DUSP10: variants seen among roughly 807,000 people sequenced by gnomAD.
DUSP10 encodes the protein dual specificity phosphatase 10.
Under a neutral mutation model 30.8 loss-of-function variants are expected in DUSP10, and 14 were observed. That is an observed-to-expected ratio of 0.46 (90% CI 0.30 to 0.71). The LOEUF is 0.71. Among genes scored for constraint, DUSP10 ranks in the 30% least tolerant of loss-of-function variants. The pLI is 0.08. For missense variants in DUSP10, 550 were observed against 619.4 expected (o/e 0.89, Z 1.19); for synonymous variants, 254 against 250.4 (o/e 1.01, Z -0.14).
intron 2 of DUSP10, among the ~76,000 whole-genome samples, chr1:221,708,084 T>C (rs1660819950): frequency 6.6e-6 from 1 of 152,232 alleles, no homozygotes; most frequent in Non-Finnish European, 1.5e-5. Flanking sequence ...AGATACACTC[T>C]GGCTTTCCCT....
chr1:221,717,597 C>T (rs1661146089), intron 2 of DUSP10, among the ~76,000 whole-genome samples: 1 of 152,130 alleles, frequency 6.6e-6, no homozygotes, highest in South Asian at 2.1e-4. Context: ...TGTATCTCTC[C>T]TCCCCATATT....
chr1:221,711,079 G>A (rs1471258765), intron 2 of DUSP10, among the ~76,000 whole-genome samples: 2 of 152,158 alleles, frequency 1.3e-5, no homozygotes, highest in Non-Finnish European at 2.9e-5. Flanking sequence ...AACTATATGT[G>A]GAAATACTGC....
At chr1:221,715,906 C>CT (rs927461462) in intron 2 of DUSP10, among the ~76,000 whole-genome samples, 4 of 152,092 alleles carry the variant, frequency 2.6e-5, no homozygotes, top group Non-Finnish European at 5.9e-5. Context: ...GGTTTGGTCT[C>CT]TATCTCTATC....
chr1:221,709,477 T>A (rs1172325347), intron 2 of DUSP10, among the ~76,000 whole-genome samples: 1 of 108,890 alleles, frequency 9.2e-6, no homozygotes. Context: ...GGGGTGGGGG[T>A]GGAGAGAAAA....
rs1571803493 is a variant in DUSP10 at position 221,702,680 on chromosome 1, G to GAAAAAAAAA, written c.1184-4_1184-3insTTTTTTTTT. The GAAAAAAAAA allele has an allele frequency of 6.2e-7, 1 of 1,608,096 alleles. No homozygotes were observed. On this transcript the variant is annotated splice_polypyrimidine_tract_variant and splice_region_variant and intron_variant, in intron 3 of 3. Transcript: ENST00000366899. The surrounding 1 kb of genome is among the most constrained non-coding windows in gnomAD (Gnocchi z 4.5). ...CTTCCCACACTGGTGAGCTTCCTCT[G>GAAAAAAAAA]AAAAAAGGGAGAAAGACAAGAGATG... is the stretch of plus-strand genomic sequence containing the variant.
intron 2 of DUSP10, among the ~76,000 whole-genome samples, chr1:221,738,356 G>A (rs1384714253): frequency 2.0e-5 from 3 of 152,204 alleles, no homozygotes; most frequent in African/African-American, 7.2e-5. Flanking sequence ...GATGTAATTG[G>A]TGAACTTATA....
intron 2 of DUSP10, among the ~76,000 whole-genome samples, chr1:221,732,648 T>C (rs1423457877): frequency 6.6e-6 from 1 of 152,228 alleles, no homozygotes; most frequent in African/African-American, 2.4e-5. Flanking sequence ...ACTAAATCTC[T>C]AAAATTAATC....
In DUSP10 at chr1:221,702,747, A is replaced by G. The variant is rs985498227; in HGVS notation, c.1184-70T>C. On this transcript the variant is annotated intron_variant, in intron 3 of 3. Transcript: ENST00000366899. This position sits in a 1 kb window ranked among gnomAD's most constrained non-coding sequence, Gnocchi z 4.5. ...GAGAGGCACGGAGAGAGAAACTTTC[A>G]TCTCAACTTTGCAATGCCTTATTTT... 5.2e-6 allele frequency: 8 copies of G among 1,529,060 alleles called. No homozygotes were observed. In the Admixed American group the frequency reaches 1.5e-4, roughly 29 times the overall value. 94.7% of individuals were successfully genotyped at this position (1,529,060 alleles called of 1,614,324 possible). A position where few individuals can be genotyped will look rare whatever the true frequency, so the allele number is the denominator to read the frequency against.
At chr1:221,736,596 T>C (rs1271062501) in intron 2 of DUSP10, among the ~76,000 whole-genome samples, 1 of 152,178 alleles carries the variant, frequency 6.6e-6, no homozygotes, top group African/African-American at 2.4e-5. Context: ...TTCACCACAG[T>C]GGTGCTATGG....
chr1:221,720,882 C>T (rs547731959), intron 2 of DUSP10, among the ~76,000 whole-genome samples: 7 of 152,240 alleles, frequency 4.6e-5, no homozygotes, highest in Admixed American at 3.9e-4. Flanking sequence ...GAACACTTAT[C>T]GCTATCTGAA....
rs749539562 is a variant in DUSP10, at chr1:221,702,811, TATA to T, written c.1184-137_1184-135del. The T allele has an allele frequency of 4.2e-5, 38 of 894,456 alleles. No individual in the cohort carries two copies. The highest frequency in any genetic ancestry group is 6.0e-5 in the Non-Finnish European group (36 of 601,894). 55.4% of individuals were successfully genotyped at this position (894,456 alleles called of 1,614,324 possible). A position where few individuals can be genotyped will look rare whatever the true frequency, so the allele number is the denominator to read the frequency against. On this transcript the variant is annotated intron_variant, in intron 3 of 3. Transcript: ENST00000366899. The surrounding 1 kb of genome is among the most constrained non-coding windows in gnomAD (Gnocchi z 4.5). ...GAATTAAAACAGTTTTAAAGCCAAGTATAATCCACTAGTTCATTACGTATACTT... is the reference window on the plus strand; with the variant it reads ...GAATTAAAACAGTTTTAAAGCCAAGTATCCACTAGTTCATTACGTATACTT...
intron 3 of DUSP10, among the ~76,000 whole-genome samples, chr1:221,705,332 A>C (rs1392739955): frequency 6.6e-6 from 1 of 152,028 alleles, no homozygotes; most frequent in East Asian, 1.9e-4. Flanking sequence ...GCTGGTCTCA[A>C]ACTCCTGACC....
chr1:221,739,799 G>A lies in DUSP10; in HGVS notation c.-43-12C>T. On this transcript the variant is annotated splice_polypyrimidine_tract_variant and intron_variant, in intron 1 of 3. Transcript: ENST00000366899. ...GAACTCAAGACAGTCTGTAAAGAAG[G>A]GGAAGGGGGAAAGAAAGAATAAAGT... 6.6e-7 allele frequency: 1 copy of A among 1,510,780 alleles called. No individual in the cohort carries two copies. Among genetic ancestry groups the A allele is most frequent in the Non-Finnish European group, 8.8e-7 (1 of 1,134,122 alleles). 93.6% of individuals were successfully genotyped at this position (1,510,780 alleles called of 1,614,324 possible).
chr1:221,719,019 A>G (rs1661200811), intron 2 of DUSP10, among the ~76,000 whole-genome samples: 1 of 152,214 alleles, frequency 6.6e-6, no homozygotes, highest in Non-Finnish European at 1.5e-5. Flanking sequence ...TGCTAAAATC[A>G]TGTATGGAAG....
chr1:221,741,618 C>T (rs963850887), intron 1 of DUSP10, among the ~76,000 whole-genome samples: 5 of 152,086 alleles, frequency 3.3e-5, no homozygotes, highest in Admixed American at 6.5e-5. Flanking sequence ...ATTCCTGGAG[C>T]ACTTAACATC....
chr1:221,727,011 G>C (rs1661442385), intron 2 of DUSP10, among the ~76,000 whole-genome samples: 1 of 151,928 alleles, frequency 6.6e-6, no homozygotes, highest in Non-Finnish European at 1.5e-5. Flanking sequence ...ATTCTCAATT[G>C]AGCCCATGAG....
intron 3 of DUSP10, among the ~76,000 whole-genome samples, chr1:221,705,282 T>C (rs1053215423): frequency 6.6e-6 from 1 of 152,050 alleles, no homozygotes; most frequent in Admixed American, 6.5e-5. Context: ...GCTAATTTTG[T>C]ATTTTTTTAG....
chr1:221,731,920 A>C (rs1036255156), intron 2 of DUSP10, among the ~76,000 whole-genome samples: 4 of 152,142 alleles, frequency 2.6e-5, no homozygotes, highest in Non-Finnish European at 4.4e-5. Context: ...TATTTCTTAA[A>C]AAAGAAAAAG....
intron 2 of DUSP10, among the ~76,000 whole-genome samples, chr1:221,724,196 T>C (rs938923272): frequency 6.6e-6 from 1 of 152,226 alleles, no homozygotes; most frequent in African/African-American, 2.4e-5. Context: ...GAATTTGGCA[T>C]TGTGCTGTGA....
Sources: allele counts gnomAD v4.1 joint callset (sites outside exome capture counted in the v4.1 genomes callset), GRCh38; gene constraint gnomAD v4.1.1; non-coding constraint Gnocchi (gnomAD v3.1); transcripts MANE v1.5; gene names NCBI Gene and HGNC (gene_info 2026-07-23, HGNC 2026-07-21).